ROR2: variants seen among roughly 807,000 people sequenced by gnomAD.
The protein encoded by ROR2 is ROR family WNT receptor 2.
In ROR2, 33 loss-of-function variants were observed where a neutral mutation model predicts 74.9. The ratio of observed to expected loss-of-function variants is 0.44; its 90% CI spans 0.33 to 0.59. The LOEUF (loss-of-function observed/expected upper bound fraction) is 0.59, where lower values mean the gene tolerates loss of function less well. Among genes scored for constraint, ROR2 ranks in the 20% least tolerant of loss-of-function variants. The probability of loss-of-function intolerance (pLI) is 0.02; values close to 1 mark genes in which losing one functional copy is unlikely to be tolerated. For missense variants in ROR2, 1,216 were observed against 1,313.8 expected (o/e 0.93, Z 1.15); for synonymous variants, 586 against 558.7 (o/e 1.05, Z -0.69).
chr9:91,884,301 C>T (rs1212609673), intron 1 of ROR2, among the ~76,000 whole-genome samples: 2 of 151,990 alleles, frequency 1.3e-5, no homozygotes, highest in South Asian at 2.1e-4. Context: ...CAAGGCTGTT[C>T]AGATAAGCAT....
intron 1 of ROR2, among the ~76,000 whole-genome samples, chr9:91,837,434 C>G (rs141424164): frequency 1.1e-3 from 162 of 152,278 alleles, no homozygotes; most frequent in African/African-American, 3.8e-3. Flanking sequence ...CTATAAAAAA[C>G]CAAAACTTGT....
intron 1 of ROR2, among the ~76,000 whole-genome samples, chr9:91,886,112 T>C (rs1013967562): frequency 6.6e-6 from 1 of 152,108 alleles, no homozygotes; most frequent in East Asian, 1.9e-4. Flanking sequence ...TGACCTCAAC[T>C]GATCCACCCG....
intron 7 of ROR2, among the ~76,000 whole-genome samples, chr9:91,727,308 T>C (rs1359609245): frequency 6.6e-6 from 1 of 152,292 alleles, no homozygotes; most frequent in Middle Eastern, 3.4e-3. Context: ...CAGTAGTCCA[T>C]GCTCTTGACC....
intron 1 of ROR2, among the ~76,000 whole-genome samples, chr9:91,885,552 G>A (rs1753861874): frequency 6.6e-6 from 1 of 152,210 alleles, no homozygotes; most frequent in South Asian, 2.1e-4. Flanking sequence ...TGGGACCTAA[G>A]GGAAGGAGAG....
intron 1 of ROR2, among the ~76,000 whole-genome samples, chr9:91,902,949 G>C (rs1830713164): frequency 6.6e-6 from 1 of 152,056 alleles, no homozygotes; most frequent in Non-Finnish European, 1.5e-5. Context: ...GCCAGGGTCT[G>C]GGGGAGGAGA....
At chr9:91,937,732 T>A (rs909755446) in intron 1 of ROR2, among the ~76,000 whole-genome samples, 4 of 152,144 alleles carry the variant, frequency 2.6e-5, no homozygotes, top group Non-Finnish European at 5.9e-5. Context: ...TTTATCTTCT[T>A]TTGAGACTGA....
At chr9:91,775,005 G>GT (rs1564267933) in intron 2 of ROR2, among the ~76,000 whole-genome samples, 1 of 152,182 alleles carries the variant, frequency 6.6e-6, no homozygotes, top group Admixed American at 6.5e-5. Context: ...TCTCTCCACC[G>GT]TAAGAGGACA....
chr9:91,920,701 T>TG (rs1433779086), intron 1 of ROR2, among the ~76,000 whole-genome samples: 1 of 152,136 alleles, frequency 6.6e-6, no homozygotes. Flanking sequence ...ATGTCTGCTC[T>TG]GGGGTGTGAA....
At chr9:91,881,990 C>T (rs1347456738) in intron 1 of ROR2, among the ~76,000 whole-genome samples, 1 of 152,080 alleles carries the variant, frequency 6.6e-6, no homozygotes, top group Admixed American at 6.5e-5. Context: ...GTGTAGGGTT[C>T]CACACAGGAG....
chr9:91,845,877 C>CAAAAAAAAAAAAAAAAAAAAAAAA (rs5899143), intron 1 of ROR2, among the ~76,000 whole-genome samples: 2 of 33,900 alleles, frequency 5.9e-5, no homozygotes, highest in African/African-American at 7.3e-5. Flanking sequence ...GAATCCATCT[C>CAAAAAAAAAAAAAAAAAAAAAAAA]AAAAAAAAAA....
chr9:91,723,624 C>A lies in ROR2; in HGVS notation c.*38G>T. 1.9e-6 allele frequency: 3 copies of A among 1,608,244 alleles called. No homozygotes were observed. Among genetic ancestry groups the A allele is most frequent in the South Asian group, 1.1e-5 (1 of 90,598 alleles). ...GACTGAGGTCCCTGTGGGGTCTCGG[C>A]GGGGCTTCTATCCCCGAACCCCGGG... On this transcript the variant is annotated 3_prime_UTR_variant, in exon 9 of 9. Coordinates refer to ENST00000375708, the MANE Select transcript of ROR2 (RefSeq NM_004560.4).
chr9:91,775,865 G>A (rs1432357159), intron 1 of ROR2, 47 bp from the exon 2 acceptor site: 1 of 1,548,988 alleles, frequency 6.5e-7, no homozygotes, highest in African/African-American at 1.4e-5. Context: ...TTTCCTTTCA[G>A]GAGCCTTTAA....
At chr9:91,739,877 A>C (rs1348223990) in intron 4 of ROR2, among the ~76,000 whole-genome samples, 1 of 152,242 alleles carries the variant, frequency 6.6e-6, no homozygotes, top group East Asian at 1.9e-4. Context: ...CATAAATGGA[A>C]GTCACCTCTG....
chr9:91,844,474 G>A (rs533336386), intron 1 of ROR2, among the ~76,000 whole-genome samples: 1 of 152,238 alleles, frequency 6.6e-6, no homozygotes, highest in South Asian at 2.1e-4. Context: ...ACTTCCTCCT[G>A]CCGTCCTCCA....
chr9:91,838,213 T>A (rs1051187378), intron 1 of ROR2, among the ~76,000 whole-genome samples: 11 of 152,188 alleles, frequency 7.2e-5, no homozygotes, highest in Non-Finnish European at 1.5e-4. Context: ...ATCGCCCCTT[T>A]GAAATGCTCA....
At chr9:91,767,653 G>A (rs987030223) in intron 2 of ROR2, among the ~76,000 whole-genome samples, 8 of 152,236 alleles carry the variant, frequency 5.3e-5, no homozygotes, top group Admixed American at 3.9e-4. Context: ...AATCCGTTGC[G>A]GGTGTGGAAC....
At chr9:91,729,726 T>A (rs935754462) in intron 7 of ROR2, among the ~76,000 whole-genome samples, 5 of 152,160 alleles carry the variant, frequency 3.3e-5, no homozygotes, top group African/African-American at 1.2e-4. Context: ...CGGGCATGAC[T>A]AAGACAGAGG....
At chr9:91,804,047 T>A (rs907696805) in intron 1 of ROR2, among the ~76,000 whole-genome samples, 1 of 152,168 alleles carries the variant, frequency 6.6e-6, no homozygotes, top group African/African-American at 2.4e-5. Context: ...ACACACTCAT[T>A]TCTGACCTTT....
chr9:91,740,531 G>A (rs1349071236), intron 4 of ROR2, among the ~76,000 whole-genome samples: 1 of 146,822 alleles, frequency 6.8e-6, no homozygotes, highest in Admixed American at 6.8e-5. Flanking sequence ...CAGCCTGGGT[G>A]ACAAAGCAAG....
Sources: allele counts gnomAD v4.1 joint callset (sites outside exome capture counted in the v4.1 genomes callset), GRCh38; gene constraint gnomAD v4.1.1; transcripts MANE v1.5; gene names NCBI Gene and HGNC (gene_info 2026-07-23, HGNC 2026-07-21).